COP1: variants seen among roughly 807,000 people sequenced by gnomAD.
COP1 encodes the protein E3 ubiquitin-protein ligase COP1.
Under a neutral mutation model 101.3 loss-of-function variants are expected in COP1, and 24 were observed. The ratio of observed to expected loss-of-function variants is 0.24; its 90% CI spans 0.17 to 0.33. COP1 has a LOEUF of 0.33. Ranked by LOEUF, COP1 falls within the 10% of genes least tolerant of loss-of-function variation. COP1 has a pLI of 1.00. For missense variants in COP1, 663 were observed against 906.2 expected (o/e 0.73, Z 3.45); for synonymous variants, 347 against 341.9 (o/e 1.01, Z -0.17).
At chr1:175,967,935 G>A (rs1284078244) in intron 18 of COP1, among the ~76,000 whole-genome samples, 1 of 151,754 alleles carries the variant, frequency 6.6e-6, no homozygotes, top group African/African-American at 2.4e-5. Context: ...TGGCACAATC[G>A]CAGCTCACTG....
chr1:176,194,116 A>G (rs1699394650), intron 1 of COP1, among the ~76,000 whole-genome samples: 1 of 152,204 alleles, frequency 6.6e-6, no homozygotes, highest in South Asian at 2.1e-4. Context: ...TAAACCTCAG[A>G]GCAACCACTT....
chr1:176,116,725 AT>A (rs1420681022), intron 8 of COP1, 44 bp from the exon 9 acceptor site: 1 of 1,359,878 alleles, frequency 7.4e-7, no homozygotes, highest in Admixed American at 1.8e-5. Context: ...TATTTACATT[AT>A]TTTAACAACA....
intron 11 of COP1, among the ~76,000 whole-genome samples, chr1:176,076,109 A>G (rs1677951853): frequency 6.6e-6 from 1 of 151,912 alleles, no homozygotes; most frequent in Non-Finnish European, 1.5e-5. Context: ...TAAACTCTAC[A>G]CTTGACCAAC....
intron 11 of COP1, among the ~76,000 whole-genome samples, chr1:176,058,444 A>T (rs1472201555): frequency 6.6e-6 from 1 of 152,152 alleles, no homozygotes; most frequent in African/African-American, 2.4e-5. Flanking sequence ...TATCCTGTTG[A>T]TCTGTGACCT....
intron 9 of COP1, among the ~76,000 whole-genome samples, chr1:176,114,957 CA>C (rs762470933): frequency 6.6e-5 from 10 of 151,984 alleles, no homozygotes; most frequent in Non-Finnish European, 1.2e-4. Flanking sequence ...GGTAAAGAAA[CA>C]TATGTGGGTA....
intron 15 of COP1, among the ~76,000 whole-genome samples, chr1:176,024,448 C>T (rs1031004793): frequency 6.6e-6 from 1 of 152,238 alleles, no homozygotes; most frequent in African/African-American, 2.4e-5. Context: ...CTATTCATAA[C>T]AAAAACTCTT....
intron 1 of COP1, among the ~76,000 whole-genome samples, chr1:176,186,043 T>C (rs1698400107): frequency 1.3e-5 from 2 of 152,032 alleles, no homozygotes; most frequent in South Asian, 4.2e-4. Flanking sequence ...ACAATAATGA[T>C]AAATACATAA....
chr1:175,965,977 C>T (rs541585523), intron 18 of COP1, among the ~76,000 whole-genome samples: 93 of 152,262 alleles, frequency 6.1e-4, no homozygotes, highest in African/African-American at 2.2e-3. Flanking sequence ...CATTTTGAAA[C>T]CAAGTGAGAG....
At chr1:175,951,437 A>AAAATATAT (rs1320545568) in intron 18 of COP1, among the ~76,000 whole-genome samples, 23 of 108,022 alleles carry the variant, frequency 2.1e-4, no homozygotes, top group African/African-American at 7.5e-4. Flanking sequence ...AAGATACGTG[A>AAAATATAT]ATATATATAT....
chr1:176,205,902 T>C (rs1700793226), intron 1 of COP1, among the ~76,000 whole-genome samples: 1 of 152,246 alleles, frequency 6.6e-6, no homozygotes, highest in South Asian at 2.1e-4. Flanking sequence ...GTTCTCTCTT[T>C]TCAAGACACT....
At chr1:176,099,771 T>C (rs1683068284) in intron 9 of COP1, among the ~76,000 whole-genome samples, 1 of 152,162 alleles carries the variant, frequency 6.6e-6, no homozygotes, top group African/African-American at 2.4e-5. Flanking sequence ...TACCCTTGTC[T>C]ACACAGCTGC....
chr1:176,179,062 G>A (rs1219783707), intron 2 of COP1, among the ~76,000 whole-genome samples: 1 of 151,698 alleles, frequency 6.6e-6, no homozygotes, highest in African/African-American at 2.4e-5. Context: ...GGCCACGGTG[G>A]GTGGATCACT....
At chr1:176,138,396 G>A (rs1690132296) in intron 6 of COP1, among the ~76,000 whole-genome samples, 1 of 152,052 alleles carries the variant, frequency 6.6e-6, no homozygotes, top group Admixed American at 6.6e-5. Context: ...AGTACCATTG[G>A]AGAAATCAAG....
chr1:175,956,193 C>T (rs1650625526), intron 18 of COP1, among the ~76,000 whole-genome samples: 1 of 151,572 alleles, frequency 6.6e-6, no homozygotes, highest in South Asian at 2.1e-4. Context: ...GAAACAGATC[C>T]ATCCATAATC....
At chr1:176,171,850 A>C (rs1696117852) in intron 3 of COP1, among the ~76,000 whole-genome samples, 2 of 152,242 alleles carry the variant, frequency 1.3e-5, no homozygotes, top group Admixed American at 6.5e-5. Flanking sequence ...ATGAAGTTTA[A>C]GTAGAAGTTC....
intron 15 of COP1, among the ~76,000 whole-genome samples, chr1:176,013,896 A>T (rs1469556171): frequency 6.6e-6 from 1 of 152,162 alleles, no homozygotes; most frequent in Non-Finnish European, 1.5e-5. Context: ...CACTGCCAAA[A>T]GTATGTATGT....
intron 15 of COP1, among the ~76,000 whole-genome samples, chr1:176,003,689 T>C (rs1462671946): frequency 6.6e-6 from 1 of 152,182 alleles, no homozygotes; most frequent in Non-Finnish European, 1.5e-5. Flanking sequence ...CTGAGGGCTC[T>C]GTTCTGTTCC....
intron 18 of COP1, among the ~76,000 whole-genome samples, chr1:175,983,854 C>T (rs1416241352): frequency 6.6e-6 from 1 of 152,130 alleles, no homozygotes; most frequent in Non-Finnish European, 1.5e-5. Context: ...TTTGCCCCTG[C>T]CCTAGAGATC....
intron 6 of COP1, among the ~76,000 whole-genome samples, chr1:176,140,869 G>T (rs756151700): frequency 1.3e-5 from 2 of 152,104 alleles, no homozygotes; most frequent in Non-Finnish European, 2.9e-5. Flanking sequence ...CTATTTGAGG[G>T]CATGGGACTA....
Sources: allele counts gnomAD v4.1 joint callset (sites outside exome capture counted in the v4.1 genomes callset), GRCh38; gene constraint gnomAD v4.1.1; transcripts MANE v1.5; gene names NCBI Gene and HGNC (gene_info 2026-07-23, HGNC 2026-07-21).